Variants in C10orf90 observed in about 807,000 individuals in gnomAD.
C10orf90 encodes chromosome 10 open reading frame 90, also known as (E2-independent) E3 ubiquitin-conjugating enzyme FATS.
C10orf90 carries 56 observed loss-of-function variants against 62.5 expected under a neutral mutation model. The observed-to-expected ratio is 0.90, with a 90% CI of 0.72 to 1.12. The LOEUF (loss-of-function observed/expected upper bound fraction) is 1.12, where lower values mean the gene tolerates loss of function less well. Ranked by LOEUF, C10orf90 falls within the 50% of genes most tolerant of loss-of-function variation. C10orf90 has a pLI of 0.00. For synonymous variants in C10orf90, 386 were observed against 340.4 expected, an observed-to-expected ratio of 1.13 and a Z score of -1.47; for missense variants, 970 against 880.4, an observed-to-expected ratio of 1.10 and a Z score of -1.29.
intron 2 of C10orf90, among the ~76,000 whole-genome samples, chr10:126,583,357 TA>T (rs1844792903): frequency 6.6e-6 from 1 of 152,222 alleles, no homozygotes; most frequent in South Asian, 2.1e-4. Context: ...TATGAAGAAC[TA>T]AAAGTCTCTC....
At chr10:126,448,038 T>A (rs1015756757) in intron 7 of C10orf90, among the ~76,000 whole-genome samples, 4 of 141,566 alleles carry the variant, frequency 2.8e-5, no homozygotes, top group African/African-American at 1.1e-4. Context: ...TTTTTTTTTT[T>A]TTTTTGTATT....
chr10:126,496,360 A>C (rs1862056890), intron 4 of C10orf90, among the ~76,000 whole-genome samples: 1 of 152,232 alleles, frequency 6.6e-6, no homozygotes. Flanking sequence ...AATGATCTGG[A>C]AACCGTGTTT....
intron 7 of C10orf90, among the ~76,000 whole-genome samples, chr10:126,444,070 T>C (rs1858576214): frequency 6.6e-6 from 1 of 152,038 alleles, no homozygotes; most frequent in Non-Finnish European, 1.5e-5. Flanking sequence ...AACAAAATAC[T>C]GAATGGGGAA....
intron 7 of C10orf90, among the ~76,000 whole-genome samples, chr10:126,439,530 C>G (rs1186771985): frequency 1.3e-5 from 2 of 151,980 alleles, no homozygotes; most frequent in African/African-American, 2.4e-5. Context: ...TTTAAGGAAG[C>G]TGATCCAACT....
chr10:126,658,612 T>C (rs1424636678), intron 1 of C10orf90, among the ~76,000 whole-genome samples: 4 of 152,214 alleles, frequency 2.6e-5, no homozygotes, highest in African/African-American at 9.6e-5. Flanking sequence ...TTTGTGATAA[T>C]AATTTAACAT....
chr10:126,475,468 C>T (rs566474194), intron 4 of C10orf90, among the ~76,000 whole-genome samples: 4 of 152,296 alleles, frequency 2.6e-5, no homozygotes, highest in African/African-American at 2.4e-5. Context: ...ATTGGCACAT[C>T]GACTCACCAC....
chr10:126,532,858 TAGTG>T (rs201960648), intron 2 of C10orf90, among the ~76,000 whole-genome samples: 21,897 of 45,972 alleles, frequency 0.48, 7,104 homozygotes, highest in Middle Eastern at 0.62. Flanking sequence ...AAAAAAAAAA[TAGTG>T]AGCACAAAAC....
chr10:126,646,980 A>G (rs1846184942), intron 1 of C10orf90, among the ~76,000 whole-genome samples: 1 of 152,174 alleles, frequency 6.6e-6, no homozygotes, highest in South Asian at 2.1e-4. Context: ...ACAGTGCTGA[A>G]TGGGTGCTGG....
Position 126,511,480 on chromosome 10 carries a change from G to A in C10orf90, c.405+2368C>T, listed in dbSNP as rs894673403. Among the ~76,000 whole-genome samples, 10 of 151,726 alleles carry A rather than the reference G, an allele frequency of 6.6e-5. No individual in the cohort carries two copies. In the East Asian group the frequency reaches 1.2e-3, roughly 18 times the overall value. Reference sequence around the variant, plus strand: ...ACTATCCATTTCAAGAGCTCTTCTCGTCCTGTAAAACTGAAACTCTATACC... The same window carrying A: ...ACTATCCATTTCAAGAGCTCTTCTCATCCTGTAAAACTGAAACTCTATACC... On this transcript the variant is annotated intron_variant, in intron 3 of 9. Transcript: ENST00000488181.
intron 2 of C10orf90, among the ~76,000 whole-genome samples, chr10:126,555,031 G>C (rs1864727966): frequency 6.6e-6 from 1 of 152,190 alleles, no homozygotes; most frequent in African/African-American, 2.4e-5. Context: ...ATTCAGGGAA[G>C]ACAATCTGAT....
chr10:126,513,389 G>A (rs534121961), intron 3 of C10orf90, among the ~76,000 whole-genome samples: 51 of 152,290 alleles, frequency 3.3e-4, no homozygotes, highest in African/African-American at 1.1e-3. Context: ...ATACATTGAC[G>A]ATATTAACCA....
At chr10:126,449,830 C>T (rs1172217860) in intron 7 of C10orf90, among the ~76,000 whole-genome samples, 1 of 152,024 alleles carries the variant, frequency 6.6e-6, no homozygotes, top group African/African-American at 2.4e-5. Flanking sequence ...AACCCTGTCT[C>T]TACTAAAGAC....
intron 2 of C10orf90, among the ~76,000 whole-genome samples, chr10:126,564,946 T>A (rs1192770820): frequency 1.4e-4 from 4 of 27,806 alleles, no homozygotes; most frequent in African/African-American, 6.3e-4. Context: ...AAAATATATA[T>A]AATATATAAA....
chr10:126,591,752 C>A (rs931002622), intron 2 of C10orf90, among the ~76,000 whole-genome samples: 2 of 152,102 alleles, frequency 1.3e-5, no homozygotes, highest in Admixed American at 6.6e-5. Context: ...GACAGGAAAT[C>A]AAATTATCTT....
intron 2 of C10orf90, among the ~76,000 whole-genome samples, chr10:126,623,356 C>T (rs1411738139): frequency 6.6e-6 from 1 of 152,174 alleles, no homozygotes; most frequent in Admixed American, 6.5e-5. Flanking sequence ...CTCCAAATTT[C>T]GGCATATCTC....
At chr10:126,660,090 A>T (rs1236009753) in intron 1 of C10orf90, among the ~76,000 whole-genome samples, 1 of 152,206 alleles carries the variant, frequency 6.6e-6, no homozygotes, top group Non-Finnish European at 1.5e-5. Context: ...AGATGCAAAA[A>T]TTTAAAATAT....
intron 2 of C10orf90, among the ~76,000 whole-genome samples, chr10:126,613,299 A>G (rs1845476602): frequency 6.6e-6 from 1 of 152,020 alleles, no homozygotes; most frequent in South Asian, 2.1e-4. Flanking sequence ...CAGTGGCATG[A>G]TCTTGGCCCA....
chr10:126,531,062 T>C (rs1314988927), intron 2 of C10orf90, among the ~76,000 whole-genome samples: 1 of 151,078 alleles, frequency 6.6e-6, no homozygotes, highest in Non-Finnish European at 1.5e-5. Context: ...TAATCCCAGC[T>C]ACTCAGGAGG....
At chr10:126,536,107 G>A (rs912300006) in intron 2 of C10orf90, among the ~76,000 whole-genome samples, 3 of 152,122 alleles carry the variant, frequency 2.0e-5, no homozygotes, top group East Asian at 1.9e-4. Context: ...CTGTGGCCAC[G>A]GTGCACTGCA....
Sources: allele counts gnomAD v4.1 joint callset (sites outside exome capture counted in the v4.1 genomes callset), GRCh38; gene constraint gnomAD v4.1.1; transcripts MANE v1.5; gene names NCBI Gene and HGNC (gene_info 2026-07-23, HGNC 2026-07-21).